LARGE1: variants seen among roughly 807,000 people sequenced by gnomAD.
LARGE1 encodes the protein xylosyl- and glucuronyltransferase LARGE1.
Under a neutral mutation model 87.6 loss-of-function variants are expected in LARGE1, and 43 were observed. The ratio of observed to expected loss-of-function variants is 0.49; its 90% CI spans 0.38 to 0.63. The LOEUF (loss-of-function observed/expected upper bound fraction) is 0.63, where lower values mean the gene tolerates loss of function less well. Ranked by LOEUF, LARGE1 falls within the 30% of genes least tolerant of loss-of-function variation. The pLI, the probability that LARGE1 is intolerant of heterozygous loss-of-function variation, is 0.00. For synonymous variants in LARGE1, 434 were observed against 394.6 expected, an observed-to-expected ratio of 1.10 and a Z score of -1.18; for missense variants, 802 against 1,000.2, an observed-to-expected ratio of 0.80 and a Z score of 2.67.
intron 1 of LARGE1, among the ~76,000 whole-genome samples, chr22:33,869,083 A>G: frequency 6.6e-6 from 1 of 152,072 alleles, no homozygotes; most frequent in East Asian, 1.9e-4. Flanking sequence ...TTTGAAATCC[A>G]ACTTTCTGAA....
intron 1 of LARGE1, among the ~76,000 whole-genome samples, chr22:33,802,467 G>A (rs989906616): frequency 5.3e-5 from 8 of 152,208 alleles, no homozygotes; most frequent in African/African-American, 1.9e-4. Context: ...AGATGGCTCT[G>A]AGTAATCTTA....
chr22:33,090,803 T>C, the LARGE1 span, among the ~76,000 whole-genome samples: 1 of 152,188 alleles, frequency 6.6e-6, no homozygotes, highest in Non-Finnish European at 1.5e-5. Context: ...CAGAGGCCTT[T>C]AAGGAAATTG....
chr22:33,784,188 C>T (rs2085523281), intron 1 of LARGE1, among the ~76,000 whole-genome samples: 1 of 152,140 alleles, frequency 6.6e-6, no homozygotes. Flanking sequence ...AATGAATAAA[C>T]CAATAACATT....
intron 12 of LARGE1, 63 bp from the exon 13 acceptor site, chr22:33,283,411 C>A (rs988844824): frequency 1.3e-6 from 2 of 1,590,306 alleles, no homozygotes; most frequent in South Asian, 2.2e-5. Context: ...GTCTTTCCCC[C>A]ATGAGGGCGG....
chr22:33,518,453 C>T (rs536145747), intron 6 of LARGE1, among the ~76,000 whole-genome samples: 1 of 152,232 alleles, frequency 6.6e-6, no homozygotes, highest in Non-Finnish European at 1.5e-5. Context: ...TGAATAAAGG[C>T]ACATGCCACC....
the LARGE1 span, among the ~76,000 whole-genome samples, chr22:33,110,024 G>C: frequency 6.6e-6 from 1 of 152,148 alleles, no homozygotes; most frequent in Admixed American, 6.5e-5. Flanking sequence ...AATGCAAAGT[G>C]AACTAACACG....
chr22:33,761,906 G>A (rs562578353), intron 1 of LARGE1, among the ~76,000 whole-genome samples: 16 of 152,188 alleles, frequency 1.1e-4, no homozygotes, highest in African/African-American at 2.9e-4. Context: ...TATGAACCAC[G>A]TGCTGTGTTT....
chr22:33,481,162 T>C (rs1027246409), intron 6 of LARGE1, among the ~76,000 whole-genome samples: 21 of 151,670 alleles, frequency 1.4e-4, no homozygotes, highest in African/African-American at 4.8e-4. Flanking sequence ...TTTATACTTC[T>C]TCCAGCAAGG....
intron 3 of LARGE1, among the ~76,000 whole-genome samples, chr22:33,631,847 C>G (rs2080121237): frequency 6.6e-6 from 1 of 152,178 alleles, no homozygotes; most frequent in African/African-American, 2.4e-5. Context: ...CCAACATCAC[C>G]AAACACATGA....
At chr22:33,487,566 A>G (rs892550923) in intron 6 of LARGE1, among the ~76,000 whole-genome samples, 4 of 152,178 alleles carry the variant, frequency 2.6e-5, no homozygotes, top group African/African-American at 9.7e-5. Flanking sequence ...GTAATCAGAG[A>G]AAGTGCCTAT....
intron 6 of LARGE1, among the ~76,000 whole-genome samples, chr22:33,550,142 T>TACAC (rs5845093): frequency 0.11 from 16,217 of 142,048 alleles, 1,185 homozygotes; most frequent in African/African-American, 0.2. Context: ...ACTTAAAGTA[T>TACAC]ACACACACAC....
chr22:33,437,214 G>A (rs2147782780), intron 6 of LARGE1, among the ~76,000 whole-genome samples: 1 of 152,254 alleles, frequency 6.6e-6, no homozygotes, highest in East Asian at 1.9e-4. Flanking sequence ...CACCTGCAGG[G>A]TGACTGGCAC....
chr22:33,271,116 G>A (rs1487041459), downstream of LARGE1, among the ~76,000 whole-genome samples: 1 of 152,166 alleles, frequency 6.6e-6, no homozygotes, highest in Non-Finnish European at 1.5e-5. Flanking sequence ...GCATATTTTA[G>A]GAGATTGCTG....
chr22:33,209,179 A>G (rs12159497), intron 11 of LARGE1, among the ~76,000 whole-genome samples: 278 of 152,368 alleles, frequency 1.8e-3, no homozygotes, highest in African/African-American at 6.4e-3. Context: ...AAAACATCAC[A>G]AAAGTGCTGT....
the LARGE1 span, among the ~76,000 whole-genome samples, chr22:33,088,579 C>T: frequency 1.3e-5 from 2 of 152,076 alleles, no homozygotes; most frequent in African/African-American, 4.8e-5. Context: ...GTCAGGGAGG[C>T]CCGTGTTACT....
chr22:33,543,482 C>T (rs965196566), intron 6 of LARGE1, among the ~76,000 whole-genome samples: 2 of 152,138 alleles, frequency 1.3e-5, no homozygotes, highest in Non-Finnish European at 2.9e-5. Flanking sequence ...GGGTACTATG[C>T]TAGGCTATGG....
chr22:33,617,736 G>C (rs2079622503), intron 4 of LARGE1, among the ~76,000 whole-genome samples: 1 of 152,194 alleles, frequency 6.6e-6, no homozygotes, highest in African/African-American at 2.4e-5. Context: ...TCCACAGACA[G>C]ACCAGACCAC....
intron 1 of LARGE1, among the ~76,000 whole-genome samples, chr22:33,917,908 C>T (rs772411454): frequency 2.0e-5 from 3 of 152,060 alleles, no homozygotes; most frequent in Non-Finnish European, 4.4e-5. Flanking sequence ...GGCTCATGAA[C>T]CCTCAAGATA....
At chr22:33,598,703 T>G (rs1404133890) in intron 5 of LARGE1, among the ~76,000 whole-genome samples, 1 of 152,240 alleles carries the variant, frequency 6.6e-6, no homozygotes, top group Non-Finnish European at 1.5e-5. Context: ...GGACATGAAC[T>G]TATCCTTTTT....
Sources: gnomAD v4.1 joint callset for allele counts (sites outside exome capture counted in the v4.1 genomes callset) on GRCh38, gnomAD v4.1.1 for gene constraint, MANE v1.5 for transcripts, NCBI Gene and HGNC (gene_info 2026-07-23, HGNC 2026-07-21) for gene names.